The following SZT2 variants were observed in gnomAD, a reference collection of about 807,000 sequenced individuals.
The protein encoded by SZT2 is KICSTOR complex protein SZT2.
A neutral mutation model predicts 404.2 loss-of-function variants in SZT2; 216 were observed. The ratio of observed to expected loss-of-function variants is 0.53; its 90% CI spans 0.48 to 0.60. The LOEUF (loss-of-function observed/expected upper bound fraction) is 0.60, where lower values mean the gene tolerates loss of function less well. Ranked by LOEUF, SZT2 falls within the 20% of genes least tolerant of loss-of-function variation. The probability of loss-of-function intolerance (pLI) is 0.00; values close to 1 mark genes in which losing one functional copy is unlikely to be tolerated. For missense variants in SZT2, 3,857 were observed against 4,459.2 expected (o/e 0.86, Z 3.85); for synonymous variants, 1,693 against 1,749.9 (o/e 0.97, Z 0.81).
chr1:43,406,939 G>T (rs1447692196), intron 4 of SZT2: 1 of 152,218 alleles, frequency 6.6e-6, no homozygotes, highest in African/African-American at 2.4e-5. Flanking sequence ...ATTAGCCATA[G>T]GTAGCGGAGA....
At position 43,447,895 on chromosome 1, in the gene SZT2, T is replaced by C. The variant is rs2153936879; in HGVS notation, c.9487T>C (p.Phe3163Leu). 6.2e-7 allele frequency: 1 copy of C among 1,614,084 alleles called. No homozygotes were observed. The change falls in exon 68 of 72, where the codon TTT becomes CTT. Residue 3163 changes from phenylalanine (F) to leucine (L), a missense_variant. Transcript: ENST00000634258. ...TGAGGGACTTCGACACCAGGATGAC[T>C]TTGATGTGTCTCTGCTTGTCTGTCA... ...DSEGLRHQDD[F>L]DVSLLVCHCA...
intron 7 of SZT2, among the ~76,000 whole-genome samples, chr1:43,417,212 G>A (rs558916830): frequency 3.3e-5 from 5 of 152,332 alleles, no homozygotes; most frequent in African/African-American, 1.2e-4. Flanking sequence ...CTGGGTGAAG[G>A]ACGGGGGAAG....
chr1:43,452,781 G>T lies in SZT2; in HGVS notation c.*2301G>T, dbSNP rs1656581651. On this transcript the variant is annotated 3_prime_UTR_variant, in exon 72 of 72. Transcript: ENST00000634258. ...CTTCTGAGCCTGTTTGGCCTCTGCA[G>T]GATTTGACATTTGAATCAGCCCCAC... 3 of 1,039,444 alleles carry T rather than the reference G, an allele frequency of 2.9e-6. No homozygotes were observed. The highest frequency in any genetic ancestry group is 2.9e-5 in the South Asian group (2 of 67,926). 64.4% of individuals were successfully genotyped at this position (1,039,444 alleles called of 1,614,324 possible). A position where few individuals can be genotyped will look rare whatever the true frequency, so the allele number is the denominator to read the frequency against.
At chr1:43,391,810 G>A (rs1419229279) in intron 1 of SZT2, among the ~76,000 whole-genome samples, 2 of 19,016 alleles carry the variant, frequency 1.1e-4, no homozygotes, top group African/African-American at 2.3e-4. Context: ...GGCCGGGCGC[G>A]GTGGCTCACG....
Position 43,450,874 on chromosome 1 carries a change from C to A in SZT2, c.*394C>A. 1 of 725,458 alleles carries A rather than the reference C, an allele frequency of 1.4e-6. No homozygotes were observed. The highest frequency in any genetic ancestry group is 2.5e-6 in the Non-Finnish European group (1 of 393,088). 44.9% of individuals were successfully genotyped at this position (725,458 alleles called of 1,614,324 possible). On this transcript the variant is annotated 3_prime_UTR_variant, in exon 72 of 72. Transcript: ENST00000634258. This position sits in a 1 kb window ranked among gnomAD's most constrained non-coding sequence, Gnocchi z 4.3. ...CTGTCAGCCACCTGTGTCCCTTGAG[C>A]CTTCGGGTCTTCACTTCCCACTTGG...
At position 43,432,108 on chromosome 1, in the gene SZT2, C is replaced by T. The variant is rs3737197; in HGVS notation, c.5275-164C>T. 1.4e-3 allele frequency among the ~76,000 whole-genome samples: 212 copies of T among 152,346 alleles called. 3 individuals are homozygous for T. The East Asian group carries it at 0.025, about 18-fold the overall frequency. On this transcript the variant is annotated intron_variant, in intron 36 of 71. Coordinates refer to ENST00000634258, the MANE Select transcript of SZT2 (RefSeq NM_001365999.1). ...CCAGCTCCCAACCTGGTCACTGCTC[C>T]TGTTGAACCTTAGGCAAGTCACTGA... is the stretch of plus-strand genomic sequence containing the variant.
At chr1:43,408,913 C>A (rs1226749706) in intron 4 of SZT2, among the ~76,000 whole-genome samples, 1 of 152,064 alleles carries the variant, frequency 6.6e-6, no homozygotes, top group Non-Finnish European at 1.5e-5. Context: ...TCCATGGGGT[C>A]AGGGTCCGAG....
Position 43,427,146 on chromosome 1 carries a change from G to A in SZT2, c.3400G>A (p.Val1134Met). 6.2e-7 allele frequency: 1 copy of A among 1,614,202 alleles called. No individual in the cohort carries two copies. Among genetic ancestry groups the A allele is most frequent in the Non-Finnish European group, 8.5e-7 (1 of 1,180,052 alleles). Residue 1134 changes from valine to methionine, a missense_variant, in exon 24 of 72, where the codon GTG (valine) becomes ATG (methionine). By Grantham distance (21) the Val-to-Met change is conservative. This residue lies in a region of SZT2 where 1,725 missense variants were observed against 1,881.0 expected (regional missense o/e 0.92). Coordinates refer to ENST00000634258, the MANE Select transcript of SZT2 (RefSeq NM_001365999.1). ...CYARLVNPQH[V>M]FLTFLPATFS... ...TGCAAGGCTTGTGAACCCCCAGCATGTGTTTCTGACTTTTCTCCCAGCTAC... is the reference window on the plus strand; with the variant it reads ...TGCAAGGCTTGTGAACCCCCAGCATATGTTTCTGACTTTTCTCCCAGCTAC...
chr1:43,416,444 T>C, intron 6 of SZT2, 91 bp from the exon 7 acceptor site: 3 of 1,016,832 alleles, frequency 3.0e-6, no homozygotes, highest in Non-Finnish European at 4.4e-6. Context: ...GGGAAGACAC[T>C]GAGCCGTTCA....
intron 42 of SZT2, 147 bp downstream of exon 42, chr1:43,435,476 G>T: frequency 1.1e-6 from 1 of 912,434 alleles, no homozygotes; most frequent in Non-Finnish European, 1.6e-6. Flanking sequence ...GATAGGACAG[G>T]AAAGGATCAC....
chr1:43,446,952 C>T lies in SZT2; in HGVS notation c.9073-3C>T, dbSNP rs1193026027. 7 of 1,606,886 alleles carry T rather than the reference C, an allele frequency of 4.4e-6. No individual in the cohort carries two copies. Among genetic ancestry groups the T allele is most frequent in the Non-Finnish European group, 6.0e-6 (7 of 1,175,538 alleles). On this transcript the variant is annotated splice_polypyrimidine_tract_variant and splice_region_variant and intron_variant, in intron 65 of 71. Transcript: ENST00000634258. ...ACCCTGTCTCCTGCTGCTGCCTCCCCAGCTGTCCATGCTGTTCACAGAGGA... is the reference window on the plus strand; with the variant it reads ...ACCCTGTCTCCTGCTGCTGCCTCCCTAGCTGTCCATGCTGTTCACAGAGGA...
intron 4 of SZT2, chr1:43,405,632 C>T (rs1570571887): frequency 6.6e-6 from 1 of 152,192 alleles, no homozygotes; most frequent in East Asian, 1.9e-4. Context: ...CTGAAACATA[C>T]AGCAACAAAA....
Position 43,431,724 on chromosome 1 carries a change from G to T in SZT2, c.5097G>T (p.Trp1699Cys). 1 of 1,614,172 alleles carries T rather than the reference G, an allele frequency of 6.2e-7. No individual in the cohort carries two copies. The highest frequency in any genetic ancestry group is 8.5e-7 in the Non-Finnish European group (1 of 1,180,008). The part of the protein sequence containing the change: ...AIETTMNEIR[W>C]LLEDEMVGAL... Reference sequence around the variant, plus strand: ...TTGCTGTCTAACTGTAGATCCGCTGGTTGTTGGAAGATGAGATGGTGGGGG... The same window carrying T: ...TTGCTGTCTAACTGTAGATCCGCTGTTTGTTGGAAGATGAGATGGTGGGGG... The change falls in exon 36 of 72, where the codon TGG (tryptophan) becomes TGT (cysteine). Residue 1699 changes from tryptophan to cysteine, a missense_variant. Physicochemically the swap from Trp to Cys is radical, Grantham distance 215. Transcript: ENST00000634258.
At chr1:43,408,970 G>A (rs1211090581) in intron 4 of SZT2, among the ~76,000 whole-genome samples, 1 of 152,178 alleles carries the variant, frequency 6.6e-6, no homozygotes, top group Non-Finnish European at 1.5e-5. Flanking sequence ...TGGGGAAAGA[G>A]GGGTGAGATC....
intron 5 of SZT2, among the ~76,000 whole-genome samples, chr1:43,415,415 A>G (rs1651587763): frequency 6.6e-6 from 1 of 152,180 alleles, no homozygotes; most frequent in Non-Finnish European, 1.5e-5. Context: ...TCTTTCAGGG[A>G]AAAAATGTGA....
In SZT2 at chr1:43,433,165, C is replaced by G. The variant is rs370833658; in HGVS notation, c.5779C>G (p.Arg1927Gly). ...FWLIVRVLQD[R>G]VEVYAHARSL... is the part of the protein sequence containing the mutation. ...GCTCATTGTCCGGGTCCTGCAGGAC[C>G]GTGTGGAAGTGTATGCACATGCACG... is the stretch of plus-strand genomic sequence containing the variant. The change falls in exon 40 of 72, where the codon CGT (arginine) becomes GGT (glycine). Residue 1927 changes from arginine to glycine, a missense_variant. By Grantham distance (125) the Arg-to-Gly change is moderately radical. Around this residue, in one of 7 missense-constraint regions of SZT2, gnomAD observed 1,725 missense variants for 1,881.0 expected, o/e 0.92. Transcript: ENST00000634258. 2.5e-6 allele frequency: 4 copies of G among 1,613,938 alleles called. No individual in the cohort carries two copies. The highest frequency in any genetic ancestry group is 1.1e-5 in the South Asian group (1 of 91,064).
intron 4 of SZT2, chr1:43,404,781 C>T (rs1438635560): frequency 1.4e-5 from 6 of 428,906 alleles, no homozygotes; most frequent in Admixed American, 8.6e-5. Context: ...TGATTGGACA[C>T]CTGCCTTTTT....
intron 31 of SZT2, 45 bp downstream of exon 31, chr1:43,430,434 C>CG (rs1653728411): frequency 1.9e-6 from 3 of 1,602,490 alleles, no homozygotes; most frequent in South Asian, 2.2e-5. Context: ...GGCTGCTTCA[C>CG]GCCGAGATTC....
In SZT2 at chr1:43,427,601, G is replaced by C. The variant is rs1653321901; in HGVS notation, c.3670G>C (p.Ala1224Pro). 1.1e-5 allele frequency: 17 copies of C among 1,614,234 alleles called. No homozygotes were observed. The highest frequency in any genetic ancestry group is 1.4e-5 in the Non-Finnish European group (16 of 1,180,046). ...CTTACAGGCTTACGCTGGGCGTCAGGCTTCCCAGACAGAGAGTGCGGATGG... is the reference window on the plus strand; with the variant it reads ...CTTACAGGCTTACGCTGGGCGTCAGCCTTCCCAGACAGAGAGTGCGGATGG... ...RDLQAYAGRQ[A>P]SQTESADGPR... The change falls in exon 26 of 72, where the codon GCT becomes CCT. Residue 1224 changes from alanine to proline, a missense_variant. Physicochemically the swap from Ala to Pro is conservative, Grantham distance 27 (BLOSUM62 -1). Around this residue, in one of 7 missense-constraint regions of SZT2, gnomAD observed 1,725 missense variants for 1,881.0 expected, o/e 0.92. Transcript: ENST00000634258.
Sources: gnomAD v4.1 joint callset for allele counts (sites outside exome capture counted in the v4.1 genomes callset) on GRCh38, gnomAD v4.1.1 for gene constraint, gnomAD v4.1.1 regional missense constraint, Gnocchi (gnomAD v3.1) non-coding constraint, MANE v1.5 for transcripts, NCBI Gene and HGNC (gene_info 2026-07-23, HGNC 2026-07-21) for gene names.